Variants in PALD1 observed in about 807,000 individuals in gnomAD.
PALD1 encodes paladin.
A neutral mutation model predicts 96.0 loss-of-function variants in PALD1; 57 were observed. The ratio of observed to expected loss-of-function variants is 0.59; its 90% CI spans 0.48 to 0.74. The LOEUF (loss-of-function observed/expected upper bound fraction) is 0.74. PALD1 is among the 30% of genes least tolerant of loss of function. PALD1 has a pLI of 0.00. For synonymous variants in PALD1, 464 were observed against 473.6 expected, an observed-to-expected ratio of 0.98 and a Z score of 0.26; for missense variants, 1,063 against 1,143.7, an observed-to-expected ratio of 0.93 and a Z score of 1.02.
chr10:70,467,677 C>T, the PALD1 span, among the ~76,000 whole-genome samples: 2 of 152,106 alleles, frequency 1.3e-5, no homozygotes, highest in Non-Finnish European at 2.9e-5. Context: ...TTGCTGTGTG[C>T]CTGAATTTCT....
intron 1 of PALD1, among the ~76,000 whole-genome samples, chr10:70,516,217 G>A (rs1184491951): frequency 6.6e-6 from 1 of 151,964 alleles, no homozygotes; most frequent in Non-Finnish European, 1.5e-5. Flanking sequence ...TGCAACCTCT[G>A]CCTTCTGGGT....
At chr10:70,503,620 C>T (rs547251999) in intron 1 of PALD1, among the ~76,000 whole-genome samples, 15 of 151,970 alleles carry the variant, frequency 9.9e-5, no homozygotes, top group South Asian at 8.3e-4. Flanking sequence ...AGTGACAGAG[C>T]GAGACTCTGT....
At chr10:70,498,345 T>A (rs1316810599) in intron 1 of PALD1, among the ~76,000 whole-genome samples, 1 of 152,160 alleles carries the variant, frequency 6.6e-6, no homozygotes, top group African/African-American at 2.4e-5. Flanking sequence ...AGTGGCATGG[T>A]CCTAGCTCAC....
chr10:70,534,935 G>C (rs1192629003), intron 10 of PALD1, 92 bp downstream of exon 10: 1 of 873,390 alleles, frequency 1.1e-6, no homozygotes, highest in African/African-American at 1.7e-5. Flanking sequence ...CTTTCAGACT[G>C]ACTTTTTCTG....
At chr10:70,511,396 T>C (rs1846514914) in intron 1 of PALD1, among the ~76,000 whole-genome samples, 1 of 152,158 alleles carries the variant, frequency 6.6e-6, no homozygotes, top group Non-Finnish European at 1.5e-5. Context: ...GCTGTGAAAC[T>C]TAAGTCATCA....
chr10:70,561,387 TA>T (rs1344563098), intron 18 of PALD1, among the ~76,000 whole-genome samples: 1 of 152,226 alleles, frequency 6.6e-6, no homozygotes, highest in East Asian at 1.9e-4. Context: ...TGTTTTGAAA[TA>T]GGCTCCAGGC....
chr10:70,516,321 G>A (rs1472479533), intron 1 of PALD1, among the ~76,000 whole-genome samples: 1 of 151,912 alleles, frequency 6.6e-6, no homozygotes, highest in Non-Finnish European at 1.5e-5. Flanking sequence ...TATAAAAAAG[G>A]CACAGTTTTT....
At chr10:70,507,099 C>T (rs1047141054) in intron 1 of PALD1, among the ~76,000 whole-genome samples, 13 of 151,992 alleles carry the variant, frequency 8.6e-5, no homozygotes, top group African/African-American at 2.9e-4. Flanking sequence ...AATTATCTTT[C>T]TATTAAAAAA....
chr10:70,517,935 C>T (rs1367695718), intron 1 of PALD1, among the ~76,000 whole-genome samples: 1 of 151,692 alleles, frequency 6.6e-6, no homozygotes, highest in Non-Finnish European at 1.5e-5. Flanking sequence ...TGGAGTTTCA[C>T]TCTTGTTGCC....
At chr10:70,471,953 G>C in the PALD1 span, among the ~76,000 whole-genome samples, 1 of 152,186 alleles carries the variant, frequency 6.6e-6, no homozygotes, top group Admixed American at 6.5e-5. Flanking sequence ...CACTGCTTTG[G>C]CTTCTTCATG....
In PALD1 at chr10:70,539,710, G is replaced by T. The variant is rs1847199528; in HGVS notation, c.1856G>T (p.Gly619Val). Residue 619 changes from glycine (G) to valine (V), a missense_variant, in exon 15 of 20, where the codon GGC becomes GTC. Transcript: ENST00000263563. This position sits in a 1 kb window ranked among gnomAD's most constrained non-coding sequence, Gnocchi z 4.5. ...VFSQHRRACP[G>V]LTYHRIPMPD... ...AGCCAGCACCGCAGGGCCTGTCCTG[G>T]CCTCACCTACCACCGCATCCCCATG... The T allele has an allele frequency of 6.2e-7, 1 of 1,613,308 alleles. No homozygotes were observed. The highest frequency in any genetic ancestry group is 1.7e-5 in the Admixed American group (1 of 59,924).
chr10:70,557,861 G>A (rs1847641715), intron 18 of PALD1, among the ~76,000 whole-genome samples: 1 of 151,996 alleles, frequency 6.6e-6, no homozygotes, highest in Non-Finnish European at 1.5e-5. Flanking sequence ...GCAGGGGGTG[G>A]CAGGGTGGGG....
intron 1 of PALD1, among the ~76,000 whole-genome samples, chr10:70,494,826 G>C (rs1846162805): frequency 6.6e-6 from 1 of 152,328 alleles, no homozygotes; most frequent in Non-Finnish European, 1.5e-5. Flanking sequence ...TATATGGGCA[G>C]AAATGAAAAA....
chr10:70,532,924 C>A (rs1847025491), intron 6 of PALD1, 71 bp from the exon 7 acceptor site: 2 of 1,521,580 alleles, frequency 1.3e-6, no homozygotes, highest in East Asian at 2.4e-5. Context: ...CAAACAGTGC[C>A]CGGGAATAGG....
intron 1 of PALD1, among the ~76,000 whole-genome samples, chr10:70,508,514 G>A (rs1846439840): frequency 6.6e-6 from 1 of 152,166 alleles, no homozygotes; most frequent in South Asian, 2.1e-4. Flanking sequence ...GGTAGAATCT[G>A]CCTCCTCAGA....
At chr10:70,563,205 C>G (rs1294874236) in intron 18 of PALD1, among the ~76,000 whole-genome samples, 1 of 152,190 alleles carries the variant, frequency 6.6e-6, no homozygotes, top group Non-Finnish European at 1.5e-5. Flanking sequence ...GATAAACTTT[C>G]TAGGTGACAG....
chr10:70,533,582 G>A (rs1466317903), intron 7 of PALD1, among the ~76,000 whole-genome samples: 1 of 152,154 alleles, frequency 6.6e-6, no homozygotes, highest in African/African-American at 2.4e-5. Context: ...CCTATAGACT[G>A]TTCAGCTGAC....
intron 1 of PALD1, among the ~76,000 whole-genome samples, chr10:70,497,686 C>T (rs1846219228): frequency 6.6e-6 from 1 of 151,952 alleles, no homozygotes; most frequent in African/African-American, 2.4e-5. Context: ...CCTGCCTCAG[C>T]CTCCCGAGTA....
chr10:70,501,903 C>A (rs1359014600), intron 1 of PALD1, among the ~76,000 whole-genome samples: 1 of 150,884 alleles, frequency 6.6e-6, no homozygotes, highest in East Asian at 1.9e-4. Context: ...TTTAATGGAA[C>A]AAAACTCTAA....
Sources: gnomAD v4.1 joint callset for allele counts (sites outside exome capture counted in the v4.1 genomes callset) on GRCh38, gnomAD v4.1.1 for gene constraint, Gnocchi (gnomAD v3.1) non-coding constraint, MANE v1.5 for transcripts, NCBI Gene and HGNC (gene_info 2026-07-23, HGNC 2026-07-21) for gene names.